The following MARK2 variants were observed in gnomAD, a reference collection of about 807,000 sequenced individuals.
MARK2 encodes the protein serine/threonine-protein kinase MARK2.
In MARK2, 16 loss-of-function variants were observed where a neutral mutation model predicts 89.8. The observed-to-expected ratio is 0.18, with a 90% CI of 0.12 to 0.27. MARK2 has a LOEUF of 0.27. Among genes scored for constraint, MARK2 ranks in the 10% least tolerant of loss-of-function variants. The probability of loss-of-function intolerance (pLI) is 1.00; values close to 1 mark genes in which losing one functional copy is unlikely to be tolerated. For synonymous variants in MARK2, 382 were observed against 399.5 expected (o/e 0.96, Z 0.52); for missense variants, 621 against 1,049.9 (o/e 0.59, Z 5.65).
chr11:63,894,942 A>AGGACCTGGGCACT (rs1940242417), intron 1 of MARK2, among the ~76,000 whole-genome samples: 1 of 152,128 alleles, frequency 6.6e-6, no homozygotes, highest in Non-Finnish European at 1.5e-5. Flanking sequence ...TGCCACCCAC[A>AGGACCTGGGCACT]GGACCTGGGC....
chr11:63,860,151 T>A (rs981950861), intron 1 of MARK2, among the ~76,000 whole-genome samples: 3 of 152,216 alleles, frequency 2.0e-5, no homozygotes, highest in Non-Finnish European at 4.4e-5. Context: ...ATACTCATTC[T>A]CCAATTTCCA....
intron 1 of MARK2, among the ~76,000 whole-genome samples, chr11:63,868,025 C>T (rs1938230446): frequency 6.6e-6 from 1 of 152,164 alleles, no homozygotes; most frequent in Non-Finnish European, 1.5e-5. Context: ...ACTTCGGACA[C>T]CCAGAAACTG....
At chr11:63,868,344 C>T (rs1938248806) in intron 1 of MARK2, 1 of 152,928 alleles carries the variant, frequency 6.5e-6, no homozygotes. Flanking sequence ...AAAAAAATTA[C>T]TTAAAAAAAT....
chr11:63,870,221 A>G (rs187182193), intron 1 of MARK2, among the ~76,000 whole-genome samples: 1 of 152,168 alleles, frequency 6.6e-6, no homozygotes, highest in Non-Finnish European at 1.5e-5. Flanking sequence ...CAGAGGCCCT[A>G]GGGAATGATG....
At chr11:63,883,299 T>C (rs1374630116) in intron 1 of MARK2, among the ~76,000 whole-genome samples, 1 of 152,056 alleles carries the variant, frequency 6.6e-6, no homozygotes, top group Admixed American at 6.6e-5. Context: ...TGCAGGATGG[T>C]TTTATGTTAG....
At chr11:63,876,005 C>T (rs76838366) in intron 1 of MARK2, among the ~76,000 whole-genome samples, 237 of 152,360 alleles carry the variant, frequency 1.6e-3, no homozygotes, top group Admixed American at 2.8e-3. Context: ...GATCACATTT[C>T]CCATAAAGAC....
chr11:63,858,198 T>C (rs1460666571), intron 1 of MARK2, among the ~76,000 whole-genome samples: 1 of 152,182 alleles, frequency 6.6e-6, no homozygotes, highest in Non-Finnish European at 1.5e-5. Flanking sequence ...GGCTCATTTT[T>C]GTATTTTTAG....
At chr11:63,841,582 C>T (rs1308940033) in intron 1 of MARK2, among the ~76,000 whole-genome samples, 1 of 152,224 alleles carries the variant, frequency 6.6e-6, no homozygotes, top group African/African-American at 2.4e-5. Context: ...TTTCCTCTCA[C>T]AACCTTTGTT....
intron 1 of MARK2, among the ~76,000 whole-genome samples, chr11:63,886,870 A>G (rs1404177963): frequency 6.6e-6 from 1 of 152,232 alleles, no homozygotes; most frequent in Admixed American, 6.5e-5. Flanking sequence ...TCACATTGCA[A>G]AGCCCTAGAA....
At chr11:63,897,726 T>C (rs1940532016) in intron 3 of MARK2, among the ~76,000 whole-genome samples, 1 of 152,208 alleles carries the variant, frequency 6.6e-6, no homozygotes, top group Non-Finnish European at 1.5e-5. Flanking sequence ...TGGCTTCTTC[T>C]GTCACCACCC....
At chr11:63,884,438 C>G (rs1052177050) in intron 1 of MARK2, among the ~76,000 whole-genome samples, 2 of 152,252 alleles carry the variant, frequency 1.3e-5, no homozygotes, top group African/African-American at 4.8e-5. Context: ...GGAGCCCCGC[C>G]TCATGGCCCA....
At chr11:63,863,276 C>G (rs1334863391) in intron 1 of MARK2, among the ~76,000 whole-genome samples, 1 of 152,188 alleles carries the variant, frequency 6.6e-6, no homozygotes, top group Admixed American at 6.5e-5. Context: ...ATATTCTAGA[C>G]ATCTGCAGTT....
intron 1 of MARK2, among the ~76,000 whole-genome samples, chr11:63,878,246 CT>C (rs1938885051): frequency 6.6e-6 from 1 of 151,708 alleles, no homozygotes; most frequent in Admixed American, 6.6e-5. Context: ...ATTTAAAATT[CT>C]TTTCCTCCAG....
chr11:63,900,916 A>T lies in MARK2; in HGVS notation c.988+37A>T. The T allele has an allele frequency of 1.9e-6, 3 of 1,611,224 alleles. No individual in the cohort carries two copies. The highest frequency in any genetic ancestry group is 2.5e-6 in the Non-Finnish European group (3 of 1,177,380). On this transcript the variant is annotated intron_variant, in intron 10 of 18. Coordinates refer to ENST00000402010, the MANE Select transcript of MARK2 (RefSeq NM_001039469.3). The surrounding 1 kb of genome is among the most constrained non-coding windows in gnomAD (Gnocchi z 4.7). ...CCGGGCTGTGAGGTTAAGCTTGCCT[A>T]GGAGTTGAGGCCAGTCTTAACTGTA...
At chr11:63,878,322 C>T (rs1938889368) in intron 1 of MARK2, among the ~76,000 whole-genome samples, 2 of 150,306 alleles carry the variant, frequency 1.3e-5, no homozygotes, top group African/African-American at 4.9e-5. Context: ...CAGCCTTAAG[C>T]TCTACCCCAA....
intron 1 of MARK2, among the ~76,000 whole-genome samples, chr11:63,885,167 C>T (rs550781086): frequency 4.3e-4 from 65 of 150,734 alleles, no homozygotes; most frequent in African/African-American, 1.4e-3. Flanking sequence ...CACTCCAGCC[C>T]GGGCAACAGA....
intron 1 of MARK2, chr11:63,868,685 C>G: frequency 4.5e-6 from 2 of 443,074 alleles, no homozygotes; most frequent in Non-Finnish European, 9.2e-6. Flanking sequence ...TGTCCTTGCC[C>G]CTGACACCAA....
intron 1 of MARK2, among the ~76,000 whole-genome samples, chr11:63,853,504 GCTGTAT>G (rs1379341330): frequency 6.6e-6 from 1 of 152,132 alleles, no homozygotes; most frequent in Non-Finnish European, 1.5e-5. Context: ...GGCTCGACTT[GCTGTAT>G]CAGCACCAAC....
rs573815020 is a variant in MARK2 at position 63,847,267 on chromosome 11, C to CT, written c.54+7712dup. ...AAAAGGGCAAAAGTAAATTCATTTC[C>CT]TTTTTACACCAAATCATTAATTTTA... On this transcript the variant is annotated intron_variant, in intron 1 of 18. Transcript: ENST00000402010. Among the ~76,000 whole-genome samples the CT allele has an allele frequency of 5.9e-5, 9 of 152,234 alleles. No homozygotes were observed. The East Asian group carries it at 1.4e-3, about 23-fold the overall frequency.
Sources: gnomAD v4.1 joint callset for allele counts (sites outside exome capture counted in the v4.1 genomes callset) on GRCh38, gnomAD v4.1.1 for gene constraint, Gnocchi (gnomAD v3.1) non-coding constraint, MANE v1.5 for transcripts, NCBI Gene and HGNC (gene_info 2026-07-23, HGNC 2026-07-21) for gene names.